The following TRAPPC10 variants were observed in gnomAD, a reference collection of about 807,000 sequenced individuals.
TRAPPC10 encodes the protein TRAPP 130 kDa subunit.
TRAPPC10 carries 23 observed loss-of-function variants against 125.5 expected under a neutral mutation model. The ratio of observed to expected loss-of-function variants is 0.18; its 90% CI spans 0.13 to 0.26. The LOEUF (loss-of-function observed/expected upper bound fraction) is 0.26. TRAPPC10 is among the 10% of genes least tolerant of loss of function. The pLI is 1.00. For synonymous variants in TRAPPC10, 509 were observed against 518.0 expected (o/e 0.98, Z 0.24); for missense variants, 1,123 against 1,308.4 (o/e 0.86, Z 2.19).
At chr21:44,028,388 A>G (rs527919163) in intron 1 of TRAPPC10, among the ~76,000 whole-genome samples, 2 of 152,290 alleles carry the variant, frequency 1.3e-5, no homozygotes, top group African/African-American at 2.4e-5. Flanking sequence ...GCGGCACCCT[A>G]GAAAGAGTGC....
chr21:44,073,355 A>G (rs777418955), intron 7 of TRAPPC10, among the ~76,000 whole-genome samples: 3 of 152,186 alleles, frequency 2.0e-5, no homozygotes, highest in Non-Finnish European at 4.4e-5. Context: ...CATTTCACCA[A>G]AACTAGGACA....
chr21:44,088,132 C>G, intron 17 of TRAPPC10: 1 of 589,128 alleles, frequency 1.7e-6, no homozygotes, highest in South Asian at 2.0e-5. Context: ...AGAGACAAGC[C>G]AGCTCTACCT....
intron 1 of TRAPPC10, 110 bp from the exon 2 acceptor site, chr21:44,031,981 C>A: frequency 1.2e-6 from 1 of 864,458 alleles, no homozygotes; most frequent in Non-Finnish European, 1.9e-6. Context: ...TGCGATATCG[C>A]TTTACTAAAC....
At chr21:44,096,020 G>A (rs1317995105) in intron 20 of TRAPPC10, among the ~76,000 whole-genome samples, 2 of 101,076 alleles carry the variant, frequency 2.0e-5, no homozygotes, top group Non-Finnish European at 4.0e-5. Flanking sequence ...GCAACATAGT[G>A]GATTCCAGCT....
At chr21:44,043,565 G>A (rs1253522027) in intron 3 of TRAPPC10, among the ~76,000 whole-genome samples, 24 of 152,066 alleles carry the variant, frequency 1.6e-4, no homozygotes, top group Non-Finnish European at 1.5e-5. Context: ...AAACCTTGTG[G>A]CCATCTACAT....
intron 3 of TRAPPC10, among the ~76,000 whole-genome samples, 186 bp from the exon 4 acceptor site, chr21:44,052,094 A>G (rs922277978): frequency 2.0e-5 from 3 of 152,194 alleles, no homozygotes; most frequent in African/African-American, 7.2e-5. Flanking sequence ...TGTGTGCGGC[A>G]CTGAGACCCA....
Position 44,059,289 on chromosome 21 carries a change from C to G in TRAPPC10, c.790+75C>G. 2 of 1,067,572 alleles carry G rather than the reference C, an allele frequency of 1.9e-6. No individual in the cohort carries two copies. The highest frequency in any genetic ancestry group is 2.8e-6 in the Non-Finnish European group (2 of 725,534). 66.1% of individuals were successfully genotyped at this position (1,067,572 alleles called of 1,614,324 possible). A position where few individuals can be genotyped will look rare whatever the true frequency, so the allele number is the denominator to read the frequency against. ...CCAACTTCAGATAGGCTTGAAGCAG[C>G]CATTTATTTACCTCAGGAGTACGCA... On this transcript the variant is annotated intron_variant, in intron 6 of 22. Coordinates refer to ENST00000291574, the MANE Select transcript of TRAPPC10 (RefSeq NM_003274.5). The surrounding 1 kb of genome is among the most constrained non-coding windows in gnomAD (Gnocchi z 4.4).
At chr21:44,068,073 T>G (rs2036581661) in intron 7 of TRAPPC10, among the ~76,000 whole-genome samples, 1 of 148,478 alleles carries the variant, frequency 6.7e-6, no homozygotes, top group African/African-American at 2.5e-5. Context: ...TGAGCCGAGA[T>G]CATGCCACTG....
At chr21:44,081,656 G>A (rs2037750711) in intron 13 of TRAPPC10, among the ~76,000 whole-genome samples, 1 of 152,160 alleles carries the variant, frequency 6.6e-6, no homozygotes. Context: ...GGAGGCCGGG[G>A]CAGGCAGATC....
At chr21:44,065,975 C>T (rs1371187474) in intron 7 of TRAPPC10, among the ~76,000 whole-genome samples, 1 of 152,146 alleles carries the variant, frequency 6.6e-6, no homozygotes, top group African/African-American at 2.4e-5. Context: ...GCTGGGATTA[C>T]AGGTCTGAGC....
At chr21:44,057,867 G>A (rs1429661632) in intron 5 of TRAPPC10, among the ~76,000 whole-genome samples, 2 of 152,212 alleles carry the variant, frequency 1.3e-5, no homozygotes, top group African/African-American at 4.8e-5. Context: ...AATACATGGG[G>A]TGGAACTGGA....
chr21:44,092,367 C>T (rs2038644787), intron 19 of TRAPPC10, among the ~76,000 whole-genome samples: 1 of 152,220 alleles, frequency 6.6e-6, no homozygotes, highest in African/African-American at 2.4e-5. Flanking sequence ...CCACTCTGCC[C>T]AGAGCCTGAT....
intron 5 of TRAPPC10, among the ~76,000 whole-genome samples, chr21:44,057,739 T>A (rs569922061): frequency 1.2e-4 from 18 of 152,354 alleles, no homozygotes; most frequent in South Asian, 1.0e-3. Context: ...CAGTTTCTCT[T>A]GCAAAACACA....
intron 12 of TRAPPC10, 106 bp downstream of exon 12, chr21:44,079,810 T>C: frequency 7.8e-7 from 1 of 1,274,204 alleles, no homozygotes; most frequent in South Asian, 1.4e-5. Context: ...GAGAGAAAAG[T>C]CCTAACTTAT....
At position 44,022,450 on chromosome 21, in the gene TRAPPC10, A is replaced by ATTTTTTT. The variant is rs71197876; in HGVS notation, c.68-9622_68-9616dup. 3.3e-3 allele frequency among the ~76,000 whole-genome samples: 319 copies of ATTTTTTT among 96,946 alleles called. 12 individuals are homozygous for ATTTTTTT. The highest frequency in any genetic ancestry group is 0.014 in the African/African-American group (275 of 19,712). 63.6% of individuals were successfully genotyped at this position (96,946 alleles called of 152,430 possible). On this transcript the variant is annotated intron_variant, in intron 1 of 22. Transcript: ENST00000291574. ...AGGCGTGTGCCACCATGCCCAGCTAATTTTTTTTTTTTTTTTTTTTTTTTT... is the reference window on the plus strand; with the variant it reads ...AGGCGTGTGCCACCATGCCCAGCTAATTTTTTTTTTTTTTTTTTTTTTTTTTTTTTTT...
intron 2 of TRAPPC10, among the ~76,000 whole-genome samples, chr21:44,034,695 G>A (rs1033119379): frequency 1.3e-5 from 2 of 152,202 alleles, no homozygotes; most frequent in African/African-American, 2.4e-5. Flanking sequence ...CGCAGATATG[G>A]TTAAGATAAG....
At chr21:44,095,725 C>A (rs1444591255) in intron 20 of TRAPPC10, among the ~76,000 whole-genome samples, 1 of 152,032 alleles carries the variant, frequency 6.6e-6, no homozygotes, top group Non-Finnish European at 1.5e-5. Context: ...TGTGCCACCA[C>A]GCCTGGCTAA....
Position 44,091,967 on chromosome 21 carries a change from T to A in TRAPPC10, c.2915T>A (p.Phe972Tyr). Residue 972 changes from phenylalanine (F) to tyrosine (Y), a missense_variant, in exon 19 of 23, where the codon TTT (phenylalanine) becomes TAT (tyrosine). Phe to Tyr is a conservative substitution (Grantham distance 22, BLOSUM62 3). This residue lies in a region of TRAPPC10 where 840 missense variants were observed against 902.0 expected (regional missense o/e 0.93). Transcript: ENST00000291574. The part of the protein sequence containing the change: ...VCVQNLSELD[F>Y]QLSDSYLVDT... Reference sequence around the variant, plus strand: ...GTCCAGAATTTGTCAGAACTTGACTTTCAGCTGTCAGATAGTTATCTTGTA... The same window carrying A: ...GTCCAGAATTTGTCAGAACTTGACTATCAGCTGTCAGATAGTTATCTTGTA... The A allele has an allele frequency of 1.2e-6, 2 of 1,614,166 alleles. No homozygotes were observed. Among genetic ancestry groups the A allele is most frequent in the Middle Eastern group, 1.7e-4 (1 of 6,018 alleles).
At chr21:44,068,557 A>G (rs985108979) in intron 7 of TRAPPC10, among the ~76,000 whole-genome samples, 2 of 152,196 alleles carry the variant, frequency 1.3e-5, no homozygotes, top group African/African-American at 4.8e-5. Context: ...AACTTCTGCC[A>G]TAGTCCAAGG....
Sources: allele counts gnomAD v4.1 joint callset (sites outside exome capture counted in the v4.1 genomes callset), GRCh38; gene constraint gnomAD v4.1.1; regional missense constraint gnomAD v4.1.1; non-coding constraint Gnocchi (gnomAD v3.1); transcripts MANE v1.5; gene names NCBI Gene and HGNC (gene_info 2026-07-23, HGNC 2026-07-21).